The following LRCH1 variants were observed in gnomAD, a reference collection of about 807,000 sequenced individuals.
The protein encoded by LRCH1 is leucine-rich repeat and calponin homology domain-containing protein 1.
In LRCH1, 23 loss-of-function variants were observed where a neutral mutation model predicts 94.9. That is an observed-to-expected ratio of 0.24 (90% CI 0.17 to 0.34). LRCH1 has a LOEUF of 0.34. Among genes scored for constraint, LRCH1 ranks in the 10% least tolerant of loss-of-function variants. The pLI is 1.00. For missense variants in LRCH1, 790 were observed against 945.9 expected (o/e 0.84, Z 2.16); for synonymous variants, 364 against 354.9 (o/e 1.03, Z -0.29).
chr13:46,703,809 T>C (rs776389606), intron 11 of LRCH1, among the ~76,000 whole-genome samples: 1 of 152,002 alleles, frequency 6.6e-6, no homozygotes, highest in Non-Finnish European at 1.5e-5. Context: ...ATTATATAGA[T>C]AGAATTAGGT....
At chr13:46,636,059 CTTTTTTTTTTTTTT>C (rs34118906) in intron 1 of LRCH1, among the ~76,000 whole-genome samples, 4 of 73,534 alleles carry the variant, frequency 5.4e-5, no homozygotes, top group Admixed American at 2.2e-4. Context: ...CCATGTCAAC[CTTTTTTTTTTTTTT>C]TTTTTTTTTT....
At chr13:46,683,089 A>T (rs1048689707) in intron 4 of LRCH1, among the ~76,000 whole-genome samples, 3 of 152,200 alleles carry the variant, frequency 2.0e-5, no homozygotes, top group Non-Finnish European at 2.9e-5. Context: ...ACATATATTT[A>T]AAAATATTTC....
chr13:46,590,462 C>G (rs1281151115), intron 1 of LRCH1, among the ~76,000 whole-genome samples: 1 of 152,096 alleles, frequency 6.6e-6, no homozygotes, highest in Admixed American at 6.5e-5. Context: ...TCTTGAAACC[C>G]AATATAATTC....
At chr13:46,653,841 A>G (rs1398021039) in intron 2 of LRCH1, among the ~76,000 whole-genome samples, 6 of 152,174 alleles carry the variant, frequency 3.9e-5, no homozygotes, top group African/African-American at 9.7e-5. Context: ...AAAGAAAGAA[A>G]GAAAATAAAA....
At chr13:46,613,037 T>C (rs2050764528) in intron 1 of LRCH1, among the ~76,000 whole-genome samples, 2 of 152,246 alleles carry the variant, frequency 1.3e-5, no homozygotes, top group South Asian at 4.1e-4. Context: ...CTGTAATTTG[T>C]ACATTATTAT....
downstream of LRCH1, among the ~76,000 whole-genome samples, chr13:46,748,811 G>T (rs1874011361): frequency 6.6e-6 from 1 of 152,206 alleles, no homozygotes; most frequent in African/African-American, 2.4e-5. Flanking sequence ...AGAATCGACT[G>T]TCTTCTGTTG....
intron 1 of LRCH1, among the ~76,000 whole-genome samples, chr13:46,578,444 C>G (rs985540781): frequency 2.0e-5 from 3 of 152,098 alleles, no homozygotes; most frequent in Non-Finnish European, 4.4e-5. Context: ...CATTAAAATT[C>G]GGAGGAAAAT....
intron 1 of LRCH1, among the ~76,000 whole-genome samples, chr13:46,609,484 A>C (rs1195289419): frequency 6.6e-6 from 1 of 152,178 alleles, no homozygotes; most frequent in African/African-American, 2.4e-5. Context: ...TGTTTTTATA[A>C]ACATGTAGCT....
In LRCH1 at chr13:46,553,513, C is replaced by T. The variant is rs2050024376; in HGVS notation, c.117C>T (p.Thr39=). 4.5e-6 allele frequency: 7 copies of T among 1,546,620 alleles called. No individual in the cohort carries two copies. Among genetic ancestry groups the T allele is most frequent in the Non-Finnish European group, 5.2e-6 (6 of 1,144,978 alleles). Reference sequence around the variant, plus strand: ...ACCACCATCAGCACCACGGAGGAACCGGCGCCCCCGGCGGGGCGGGTGGTG... The same window carrying T: ...ACCACCATCAGCACCACGGAGGAACTGGCGCCCCCGGCGGGGCGGGTGGTG... ...HHHHHQHHGG[T]GAPGGAGGGG... Residue 39 remains threonine, a synonymous_variant, in exon 1 of 20, where the codon ACC becomes ACT. Transcript: ENST00000389797.
chr13:46,573,866 A>ATATATATATATATATATATATATATATTT, intron 1 of LRCH1, among the ~76,000 whole-genome samples: 19 of 63,368 alleles, frequency 3.0e-4, no homozygotes, highest in Admixed American at 4.3e-4. Flanking sequence ...ATATATATAT[A>ATATATATATATATATATATATATATATTT]TTTTTTTTTT....
intron 2 of LRCH1, among the ~76,000 whole-genome samples, chr13:46,654,276 T>TTGTG (rs2051343137): frequency 6.6e-6 from 1 of 152,250 alleles, no homozygotes; most frequent in African/African-American, 2.4e-5. Context: ...AATATCATGC[T>TTGTG]TGTGTGTGAT....
At chr13:46,573,866 A>ATATATATATATTT in intron 1 of LRCH1, among the ~76,000 whole-genome samples, 32 of 63,384 alleles carry the variant, frequency 5.0e-4, no homozygotes, top group African/African-American at 1.5e-3. Flanking sequence ...ATATATATAT[A>ATATATATATATTT]TTTTTTTTTT....
In LRCH1 at chr13:46,603,361, C is replaced by T. The variant is rs75461727; in HGVS notation, c.308-46840C>T. Among the ~76,000 whole-genome samples the T allele has an allele frequency of 1.7e-3, 265 of 152,190 alleles. 1 individual carries two copies. Among genetic ancestry groups the T allele is most frequent in the Non-Finnish European group, 3.1e-3 (212 of 67,998 alleles). On this transcript the variant is annotated intron_variant, in intron 1 of 19. Coordinates refer to ENST00000389797, the MANE Select transcript of LRCH1 (RefSeq NM_001164211.2). The stretch of plus-strand genomic sequence containing the variant: ...GTCAGCCCCATTCTCTTTCTGTCAG[C>T]CCCATTCTCTTTCTGTCAGCCGCCC...
intron 1 of LRCH1, among the ~76,000 whole-genome samples, chr13:46,621,984 G>A (rs2050885432): frequency 6.6e-6 from 1 of 152,096 alleles, no homozygotes; most frequent in Non-Finnish European, 1.5e-5. Flanking sequence ...CTGTGTTCCA[G>A]ACACTGGACT....
chr13:46,583,329 A>G (rs536789823), intron 1 of LRCH1, among the ~76,000 whole-genome samples: 1 of 152,362 alleles, frequency 6.6e-6, no homozygotes, highest in East Asian at 1.9e-4. Flanking sequence ...TTACTGGCCA[A>G]ATTGAAAAGA....
chr13:46,564,879 C>G (rs1294172643), intron 1 of LRCH1, among the ~76,000 whole-genome samples: 1 of 152,182 alleles, frequency 6.6e-6, no homozygotes, highest in Non-Finnish European at 1.5e-5. Flanking sequence ...CAGTGAGTGA[C>G]TAGTAGAAAA....
At chr13:46,616,195 C>G (rs1036817163) in intron 1 of LRCH1, among the ~76,000 whole-genome samples, 1 of 152,128 alleles carries the variant, frequency 6.6e-6, no homozygotes, top group Non-Finnish European at 1.5e-5. Context: ...AAGACCTGTG[C>G]CCTGAAGTCA....
intron 1 of LRCH1, among the ~76,000 whole-genome samples, chr13:46,595,383 G>A (rs1270457641): frequency 1.3e-5 from 2 of 152,190 alleles, no homozygotes; most frequent in African/African-American, 4.8e-5. Context: ...CATCTCCACA[G>A]GGTTTCTGGG....
At chr13:46,717,581 C>G (rs114746101) in intron 16 of LRCH1, 1 of 152,262 alleles carries the variant, frequency 6.6e-6, no homozygotes, top group African/African-American at 2.4e-5. Flanking sequence ...TGTTTATCTT[C>G]ATTCTCTTTG....
Sources: gnomAD v4.1 joint callset for allele counts (sites outside exome capture counted in the v4.1 genomes callset) on GRCh38, gnomAD v4.1.1 for gene constraint, MANE v1.5 for transcripts, NCBI Gene and HGNC (gene_info 2026-07-23, HGNC 2026-07-21) for gene names.